Variants in LRRC4C observed in about 807,000 individuals in gnomAD.
LRRC4C encodes leucine rich repeat containing 4C, also known as leucine-rich repeat-containing protein 4C.
A neutral mutation model predicts 33.6 loss-of-function variants in LRRC4C; 5 were observed. The observed-to-expected ratio is 0.15, with a 90% CI of 0.08 to 0.31. LRRC4C has a LOEUF of 0.31. LRRC4C is among the 10% of genes least tolerant of loss of function. The pLI is 1.00. For synonymous variants in LRRC4C, 329 were observed against 302.0 expected (o/e 1.09, Z -0.93); for missense variants, 560 against 796.7 (o/e 0.70, Z 3.58).
intron 2 of LRRC4C, among the ~76,000 whole-genome samples, chr11:40,682,325 G>T (rs1439418248): frequency 6.6e-6 from 1 of 150,426 alleles, no homozygotes; most frequent in South Asian, 2.1e-4. Flanking sequence ...GGTAAATAAA[G>T]TATTCAATAG....
At chr11:40,716,041 AAAAC>A (rs548855141) in intron 2 of LRRC4C, among the ~76,000 whole-genome samples, 9 of 66,518 alleles carry the variant, frequency 1.4e-4, no homozygotes, top group Non-Finnish European at 2.4e-4. Flanking sequence ...TCTCAAAACA[AAAAC>A]AAACAAAAAA....
At chr11:40,741,261 G>C (rs1412159089) in intron 2 of LRRC4C, among the ~76,000 whole-genome samples, 1 of 152,040 alleles carries the variant, frequency 6.6e-6, no homozygotes, top group South Asian at 2.1e-4. Context: ...GAACTGATTA[G>C]TTGTGTGTGA....
intron 3 of LRRC4C, among the ~76,000 whole-genome samples, chr11:40,377,777 G>A (rs1948716884): frequency 6.6e-6 from 1 of 152,026 alleles, no homozygotes. Context: ...TTAAAATATA[G>A]TTCTCAACTA....
At chr11:41,137,065 T>C (rs1296832265) in intron 1 of LRRC4C, among the ~76,000 whole-genome samples, 5 of 152,146 alleles carry the variant, frequency 3.3e-5, no homozygotes, top group Admixed American at 3.3e-4. Flanking sequence ...CTGGCCAACA[T>C]GGCGAAACCC....
intron 5 of LRRC4C, among the ~76,000 whole-genome samples, chr11:40,165,681 C>T (rs1859529749): frequency 6.6e-6 from 1 of 152,192 alleles, no homozygotes; most frequent in South Asian, 2.1e-4. Flanking sequence ...CATGGTGGCT[C>T]ACGCCTGTAA....
intron 3 of LRRC4C, among the ~76,000 whole-genome samples, chr11:40,411,913 T>G (rs1312226854): frequency 3.9e-5 from 6 of 152,024 alleles, no homozygotes; most frequent in Non-Finnish European, 7.4e-5. Flanking sequence ...TCAATAACCC[T>G]ATGAGATTAG....
chr11:41,258,584 C>T (rs377157035), intron 1 of LRRC4C, among the ~76,000 whole-genome samples: 1 of 151,746 alleles, frequency 6.6e-6, no homozygotes, highest in Non-Finnish European at 1.5e-5. Context: ...TCATGTGTAA[C>T]ATCTAACTTG....
intron 2 of LRRC4C, among the ~76,000 whole-genome samples, chr11:40,744,224 G>C (rs775833627): frequency 1.3e-4 from 20 of 152,174 alleles, no homozygotes; most frequent in African/African-American, 4.6e-4. Context: ...GTGTCAGATG[G>C]AGCAAGTAAA....
chr11:40,224,954 T>C (rs1035210764), intron 5 of LRRC4C, among the ~76,000 whole-genome samples: 6 of 152,140 alleles, frequency 3.9e-5, no homozygotes, highest in Non-Finnish European at 5.9e-5. Flanking sequence ...AATCCCCTCT[T>C]CTTAAAATAA....
At chr11:40,533,021 C>T (rs995982921) in intron 3 of LRRC4C, among the ~76,000 whole-genome samples, 2 of 151,992 alleles carry the variant, frequency 1.3e-5, no homozygotes, top group Non-Finnish European at 2.9e-5. Context: ...AACAGCAAAC[C>T]AACCCCCTGA....
chr11:40,881,392 C>T (rs1017083058), intron 2 of LRRC4C, among the ~76,000 whole-genome samples: 2 of 152,098 alleles, frequency 1.3e-5, no homozygotes, highest in African/African-American at 2.4e-5. Flanking sequence ...TACACAAACA[C>T]TTTTTTCTTT....
intron 4 of LRRC4C, among the ~76,000 whole-genome samples, chr11:40,319,035 A>C (rs1250606725): frequency 1.3e-5 from 2 of 152,126 alleles, no homozygotes; most frequent in African/African-American, 4.8e-5. Context: ...TCCTGATGCA[A>C]CCTCTAAAGA....
intron 2 of LRRC4C, among the ~76,000 whole-genome samples, chr11:40,656,620 A>G (rs925499561): frequency 6.6e-6 from 1 of 152,140 alleles, no homozygotes; most frequent in Non-Finnish European, 1.5e-5. Context: ...TAGGAAATTT[A>G]CAAACCTTCT....
chr11:40,246,855 T>C (rs535776842), intron 4 of LRRC4C, among the ~76,000 whole-genome samples: 1 of 152,324 alleles, frequency 6.6e-6, no homozygotes, highest in African/African-American at 2.4e-5. Flanking sequence ...TCTTCTAGTA[T>C]TGATGCTCAT....
At chr11:40,935,034 G>T (rs150574819) in intron 1 of LRRC4C, among the ~76,000 whole-genome samples, 1 of 151,980 alleles carries the variant, frequency 6.6e-6, no homozygotes, top group Admixed American at 6.6e-5. Context: ...ACTTATTACC[G>T]TCTAGCATAC....
In LRRC4C at chr11:40,114,342, G is replaced by A. The variant is rs186484559; in HGVS notation, c.*28C>T. On this transcript the variant is annotated 3_prime_UTR_variant, in exon 7 of 7. Transcript: ENST00000528697. ...TAATAAACTGTCTTTTTTTTTGATTGTTTGTTTTTTGTAACTCTGTAAATG... is the reference window on the plus strand; with the variant it reads ...TAATAAACTGTCTTTTTTTTTGATTATTTGTTTTTTGTAACTCTGTAAATG... The A allele has an allele frequency of 5.8e-5, 88 of 1,507,350 alleles. No individual in the cohort carries two copies. The highest frequency in any genetic ancestry group is 5.3e-4 in the East Asian group (23 of 43,070). The allele number at this position is 1,507,350 out of a possible 1,614,324, so 93.4% of individuals were successfully genotyped here.
chr11:40,858,778 A>T (rs1040826745), intron 2 of LRRC4C, among the ~76,000 whole-genome samples: 1 of 150,300 alleles, frequency 6.7e-6, no homozygotes, highest in Non-Finnish European at 1.5e-5. Context: ...GTATTCAGGG[A>T]TGATGTATTT....
rs1207745456 is a variant in LRRC4C at position 40,620,421 on chromosome 11, TC to T, written c.-270+27720del. On this transcript the variant is annotated intron_variant, in intron 3 of 6. Coordinates refer to ENST00000528697, the MANE Select transcript of LRRC4C (RefSeq NM_001258419.2). The stretch of plus-strand genomic sequence containing the variant: ...ACTTCCCTGAGCCATAAATTTCTCT[TC>T]CACGGCTGGAAGGAGGTAGACCAGA... Among the ~76,000 whole-genome samples, 12 of 151,870 alleles carry T rather than the reference TC, an allele frequency of 7.9e-5. No individual in the cohort carries two copies. The East Asian group carries it at 1.4e-3, about 17-fold the overall frequency.
At chr11:41,169,996 C>A (rs1478260527) in intron 1 of LRRC4C, among the ~76,000 whole-genome samples, 1 of 151,874 alleles carries the variant, frequency 6.6e-6, no homozygotes, top group African/African-American at 2.4e-5. Context: ...AGCCCATTTA[C>A]CTTAAAGGGG....
Sources: allele counts gnomAD v4.1 joint callset (sites outside exome capture counted in the v4.1 genomes callset), GRCh38; gene constraint gnomAD v4.1.1; transcripts MANE v1.5; gene names NCBI Gene and HGNC (gene_info 2026-07-23, HGNC 2026-07-21).